The following DGKB variants were observed in gnomAD, a reference collection of about 807,000 sequenced individuals.
DGKB encodes diacylglycerol kinase beta.
Under a neutral mutation model 114.3 loss-of-function variants are expected in DGKB, and 67 were observed. The observed-to-expected ratio is 0.59, with a 90% CI of 0.48 to 0.72. The LOEUF (loss-of-function observed/expected upper bound fraction) is 0.72, where lower values mean the gene tolerates loss of function less well. DGKB is among the 30% of genes least tolerant of loss of function. DGKB has a pLI of 0.00. For missense variants in DGKB, 907 were observed against 975.2 expected, an observed-to-expected ratio of 0.93 and a Z score of 0.93; for synonymous variants, 398 against 323.1, an observed-to-expected ratio of 1.23 and a Z score of -2.49.
intron 21 of DGKB, among the ~76,000 whole-genome samples, chr7:14,389,930 T>C (rs541363410): frequency 7.2e-4 from 109 of 152,292 alleles, no homozygotes; most frequent in African/African-American, 2.5e-3. Flanking sequence ...CAGCAGCCCT[T>C]GTTAAAGTTA....
Position 14,647,997 on chromosome 7 carries a change from C to A in DGKB, c.1135-17729G>T, listed in dbSNP as rs1034010618. 2.0e-5 allele frequency among the ~76,000 whole-genome samples: 3 copies of A among 152,218 alleles called. No homozygotes were observed. The South Asian group carries it at 6.2e-4, about 31-fold the overall frequency. On this transcript the variant is annotated intron_variant, in intron 13 of 25. Transcript: ENST00000402815. ...TGCACCTGGCTCAGAGGGTCCTACG[C>A]CCACGGAGTCTCGCTGATTGCTAGC...
At chr7:14,235,880 T>C (rs992030817) in intron 23 of DGKB, among the ~76,000 whole-genome samples, 1 of 152,060 alleles carries the variant, frequency 6.6e-6, no homozygotes, top group South Asian at 2.1e-4. Flanking sequence ...GCATAAATAA[T>C]GGACCACCTT....
chr7:14,841,580 C>A, intron 1 of DGKB, 130 bp from the exon 2 acceptor site: 1 of 225,642 alleles, frequency 4.4e-6, no homozygotes. Context: ...TGAGAAGAAT[C>A]TTATAAAGCA....
At chr7:14,357,172 ATCTG>A (rs1447479151) in intron 21 of DGKB, among the ~76,000 whole-genome samples, 14 of 152,148 alleles carry the variant, frequency 9.2e-5, no homozygotes, top group African/African-American at 4.8e-5. Context: ...TGTCTCACTG[ATCTG>A]TCTAATATTG....
At chr7:14,321,461 A>G (rs542814434) in intron 23 of DGKB, among the ~76,000 whole-genome samples, 3 of 152,314 alleles carry the variant, frequency 2.0e-5, no homozygotes, top group Admixed American at 6.5e-5. Flanking sequence ...AGGTGTATCC[A>G]TAAAAGTATA....
intron 1 of DGKB, among the ~76,000 whole-genome samples, chr7:14,925,333 C>T (rs938235050): frequency 1.3e-5 from 2 of 152,190 alleles, no homozygotes; most frequent in Non-Finnish European, 2.9e-5. Context: ...ATCAGTATAT[C>T]TCCTTTGATG....
In DGKB at chr7:14,776,407, C is replaced by T. The variant is rs149033515; in HGVS notation, c.71-18676G>A. On this transcript the variant is annotated intron_variant, in intron 2 of 25. Transcript: ENST00000402815. The stretch of plus-strand genomic sequence containing the variant: ...TATGTCACAGACCTTCACAGCAGGC[C>T]CTACCATCACAGGCCAGGAGGCCTT... 8.9e-4 allele frequency among the ~76,000 whole-genome samples: 136 copies of T among 152,282 alleles called. 2 individuals carry two copies. In the East Asian group the frequency reaches 0.025, roughly 28 times the overall value.
At chr7:14,261,216 AT>A (rs1339475612) in intron 23 of DGKB, among the ~76,000 whole-genome samples, 1 of 151,536 alleles carries the variant, frequency 6.6e-6, no homozygotes, top group African/African-American at 2.4e-5. Flanking sequence ...TTAGACAAAT[AT>A]TACGGTGGGA....
chr7:14,645,674 G>C (rs1227915013), intron 13 of DGKB, among the ~76,000 whole-genome samples: 1 of 151,528 alleles, frequency 6.6e-6, no homozygotes, highest in African/African-American at 2.4e-5. Flanking sequence ...AGAAGAGCAT[G>C]AGATGATATA....
At chr7:14,264,889 T>G (rs759959200) in intron 23 of DGKB, among the ~76,000 whole-genome samples, 94 of 152,268 alleles carry the variant, frequency 6.2e-4, no homozygotes, top group Admixed American at 3.2e-3. Flanking sequence ...TTTAAACTAC[T>G]AAAATGTGTG....
chr7:14,736,091 A>C lies in DGKB; in HGVS notation c.272T>G (p.Phe91Cys), dbSNP rs185606723. Residue 91 changes from phenylalanine to cysteine, a missense_variant, in exon 5 of 26, where the codon TTT becomes TGT. Phe to Cys is a radical substitution (Grantham distance 205, BLOSUM62 -2). Around this residue, in one of 3 missense-constraint regions of DGKB, gnomAD observed 814 missense variants for 856.6 expected, o/e 0.95. Coordinates refer to ENST00000402815, the MANE Select transcript of DGKB (RefSeq NM_001350709.2). ...TTTTACCATTGGACTAGAATGAGGA[A>C]ACTTGTTGCTAAATGACATGAAAAG... ...AHLFMSFSNK[F>C]PHSSPMVKSK... The C allele has an allele frequency of 3.9e-4, 630 of 1,610,762 alleles. 4 individuals carry two copies. The African/African-American group carries it at 7.5e-3, about 19-fold the overall frequency.
rs114606214 is a variant in DGKB, at chr7:14,837,445, A to G, written c.70+3749T>C. Among the ~76,000 whole-genome samples the G allele has an allele frequency of 8.4e-3, 1,286 of 152,310 alleles. 17 individuals carry two copies. The highest frequency in any genetic ancestry group is 0.029 in the African/African-American group (1,212 of 41,552). ...CCCATGAGCTCACTCATCTTGCCCAATAGTTCCACAGCCCCACCTTATTCC... is the reference window on the plus strand; with the variant it reads ...CCCATGAGCTCACTCATCTTGCCCAGTAGTTCCACAGCCCCACCTTATTCC... On this transcript the variant is annotated intron_variant, in intron 2 of 25. Transcript: ENST00000402815.
intron 21 of DGKB, among the ~76,000 whole-genome samples, chr7:14,373,080 G>A (rs1817935351): frequency 6.6e-6 from 1 of 152,118 alleles, no homozygotes; most frequent in Non-Finnish European, 1.5e-5. Flanking sequence ...GAGATTCACT[G>A]GAATTCTCTT....
At chr7:14,567,073 T>C (rs1348551395) in intron 20 of DGKB, among the ~76,000 whole-genome samples, 5 of 127,438 alleles carry the variant, frequency 3.9e-5, no homozygotes, top group Admixed American at 1.1e-4. Flanking sequence ...CCTGTATATA[T>C]ATATATAAAA....
At chr7:14,946,746 T>C (rs1355868882) in intron 1 of DGKB, among the ~76,000 whole-genome samples, 1 of 151,784 alleles carries the variant, frequency 6.6e-6, no homozygotes, top group East Asian at 1.9e-4. Context: ...CTCTTCGGTC[T>C]TCTGAAAGTG....
intron 1 of DGKB, among the ~76,000 whole-genome samples, chr7:14,967,671 A>G (rs1193846364): frequency 1.3e-5 from 2 of 151,432 alleles, no homozygotes; most frequent in Non-Finnish European, 2.9e-5. Flanking sequence ...AAAAAAAAAA[A>G]AAAAGTCTTT....
At chr7:14,656,753 T>TATACACACAC (rs139391597) in intron 13 of DGKB, among the ~76,000 whole-genome samples, 2 of 149,230 alleles carry the variant, frequency 1.3e-5, no homozygotes, top group African/African-American at 4.9e-5. Context: ...ATAGGATATA[T>TATACACACAC]ACACACACAC....
At chr7:14,973,149 A>C (rs910595448) in intron 1 of DGKB, among the ~76,000 whole-genome samples, 2 of 152,024 alleles carry the variant, frequency 1.3e-5, no homozygotes, top group African/African-American at 4.8e-5. Flanking sequence ...TTCACTAAAA[A>C]TACAAGTCTG....
chr7:14,968,173 TC>T (rs1289394505), intron 1 of DGKB, among the ~76,000 whole-genome samples: 1 of 151,988 alleles, frequency 6.6e-6, no homozygotes, highest in East Asian at 1.9e-4. Context: ...GTCTTTTTTT[TC>T]AACAAAACAT....
Sources: gnomAD v4.1 joint callset for allele counts (sites outside exome capture counted in the v4.1 genomes callset) on GRCh38, gnomAD v4.1.1 for gene constraint, gnomAD v4.1.1 regional missense constraint, MANE v1.5 for transcripts, NCBI Gene and HGNC (gene_info 2026-07-23, HGNC 2026-07-21) for gene names.